Variants in IQSEC1 observed in about 807,000 individuals in gnomAD.
IQSEC1 encodes IQ motif and SEC7 domain-containing protein 1.
IQSEC1 carries 31 observed loss-of-function variants against 91.0 expected under a neutral mutation model. That is an observed-to-expected ratio of 0.34 (90% CI 0.26 to 0.46). IQSEC1 has a LOEUF of 0.46. Among genes scored for constraint, IQSEC1 ranks in the 20% least tolerant of loss-of-function variants. The pLI, the probability that IQSEC1 is intolerant of heterozygous loss-of-function variation, is 1.00. For synonymous variants in IQSEC1, 699 were observed against 662.6 expected (o/e 1.05, Z -0.84); for missense variants, 1,388 against 1,575.6 (o/e 0.88, Z 2.02).
At chr3:13,283,085 G>C (rs1207601895) in exon 1 of IQSEC1, among the ~76,000 whole-genome samples, 2 of 144,608 alleles carry the variant, frequency 1.4e-5, no homozygotes, top group South Asian at 4.2e-4. Flanking sequence ...GGCGCGGCGC[G>C]GGGCTGCCGC....
At chr3:13,110,854 G>A (rs1159381741) in intron 2 of IQSEC1, among the ~76,000 whole-genome samples, 3 of 152,150 alleles carry the variant, frequency 2.0e-5, no homozygotes, top group South Asian at 2.1e-4. Flanking sequence ...TTAAAGGGCC[G>A]AAGTAAATGA....
At chr3:13,092,442 C>G (rs989962593) in intron 2 of IQSEC1, among the ~76,000 whole-genome samples, 7 of 152,096 alleles carry the variant, frequency 4.6e-5, no homozygotes, top group Non-Finnish European at 8.8e-5. Flanking sequence ...CCTTCCCAGG[C>G]CTGCCCAGGC....
chr3:12,931,793 C>T (rs985832199), intron 3 of IQSEC1, among the ~76,000 whole-genome samples: 12 of 152,162 alleles, frequency 7.9e-5, no homozygotes, highest in African/African-American at 2.9e-4. Context: ...GGCTGGGCGC[C>T]GAGTGTAGGG....
intron 1 of IQSEC1, among the ~76,000 whole-genome samples, chr3:13,209,863 A>G (rs940983872): frequency 2.0e-5 from 3 of 152,202 alleles, no homozygotes; most frequent in African/African-American, 7.2e-5. Flanking sequence ...CCCAACACCC[A>G]GCACTGGGGC....
chr3:13,051,239 T>C (rs1018341672), intron 1 of IQSEC1, among the ~76,000 whole-genome samples: 36 of 152,158 alleles, frequency 2.4e-4, no homozygotes, highest in Admixed American at 1.3e-4. Context: ...ATTCCAGCCA[T>C]GCTGAGTGAG....
At chr3:12,947,997 G>A (rs1559660954) in intron 1 of IQSEC1, among the ~76,000 whole-genome samples, 2 of 152,226 alleles carry the variant, frequency 1.3e-5, no homozygotes, top group Non-Finnish European at 1.5e-5. Context: ...CTGCTGCCCC[G>A]CCCCACCCAG....
chr3:13,122,496 G>C (rs553717662), intron 2 of IQSEC1, among the ~76,000 whole-genome samples: 1 of 152,206 alleles, frequency 6.6e-6, no homozygotes, highest in African/African-American at 2.4e-5. Context: ...GAGGGGTATG[G>C]GATGAAGAAG....
intron 1 of IQSEC1, among the ~76,000 whole-genome samples, chr3:13,052,716 CCTTT>C (rs1704734615): frequency 6.6e-6 from 1 of 152,142 alleles, no homozygotes; most frequent in Non-Finnish European, 1.5e-5. Flanking sequence ...TCACGTTGTC[CCTTT>C]CTATGTTAGC....
At chr3:13,166,403 A>G (rs529750069) in intron 1 of IQSEC1, among the ~76,000 whole-genome samples, 17 of 152,322 alleles carry the variant, frequency 1.1e-4, no homozygotes, top group East Asian at 3.9e-4. Flanking sequence ...TGGCTGAGGC[A>G]TAGCAGTGCA....
intron 1 of IQSEC1, among the ~76,000 whole-genome samples, chr3:13,223,359 G>C (rs566356399): frequency 1.3e-5 from 2 of 152,158 alleles, no homozygotes; most frequent in Non-Finnish European, 2.9e-5. Context: ...GGAGGTCCCC[G>C]GGTCTCTGCT....
intron 8 of IQSEC1, 79 bp from the exon 9 acceptor site, chr3:12,913,632 G>C: frequency 1.4e-6 from 2 of 1,460,462 alleles, no homozygotes; most frequent in Non-Finnish European, 1.8e-6. Flanking sequence ...GAGAAGTCTA[G>C]CCCTTCAAGC....
intron 1 of IQSEC1, among the ~76,000 whole-genome samples, chr3:13,022,831 G>A (rs1190131899): frequency 6.6e-6 from 1 of 152,214 alleles, no homozygotes; most frequent in Non-Finnish European, 1.5e-5. Context: ...GGCCCTCCAA[G>A]GGTCTCCAGC....
chr3:13,050,285 G>A (rs939666040), intron 1 of IQSEC1, among the ~76,000 whole-genome samples: 1 of 152,092 alleles, frequency 6.6e-6, no homozygotes, highest in African/African-American at 2.4e-5. Context: ...GCACAGCAGT[G>A]CACAGGCCAG....
intron 5 of IQSEC1, among the ~76,000 whole-genome samples, chr3:12,920,982 C>A (rs970843781): frequency 6.6e-6 from 1 of 152,118 alleles, no homozygotes; most frequent in African/African-American, 2.4e-5. Flanking sequence ...CCCTCCGGGA[C>A]CTTGAGGTGA....
intron 8 of IQSEC1, among the ~76,000 whole-genome samples, chr3:12,914,527 C>T (rs774317330): frequency 2.2e-4 from 34 of 152,064 alleles, no homozygotes; most frequent in African/African-American, 3.6e-4. Context: ...TGGGAGGGTT[C>T]GGGGAGCACT....
chr3:13,153,497 G>A (rs190845163), intron 2 of IQSEC1, among the ~76,000 whole-genome samples: 6 of 152,308 alleles, frequency 3.9e-5, no homozygotes, highest in Admixed American at 3.3e-4. Context: ...CACTCATAGA[G>A]GGCTGCCCTG....
intron 1 of IQSEC1, among the ~76,000 whole-genome samples, chr3:13,188,279 A>T (rs1315145789): frequency 6.6e-6 from 1 of 152,062 alleles, no homozygotes; most frequent in Non-Finnish European, 1.5e-5. Flanking sequence ...GCTCATGCCC[A>T]CCTCAAGGTT....
chr3:12,941,339 GC>G (rs1469402467), intron 2 of IQSEC1, among the ~76,000 whole-genome samples: 1 of 152,054 alleles, frequency 6.6e-6, no homozygotes, highest in Non-Finnish European at 1.5e-5. Flanking sequence ...CAGAAGGAAC[GC>G]CAGACAACCC....
chr3:12,901,138 C>A lies in IQSEC1; in HGVS notation c.3190G>T (p.Gly1064Trp), dbSNP rs1182132740. ...TGGGCCCCGTAGGCTGGGTGGCCCC[C>A]ATGGGGGCCGTGGTGGTACTGGTGT... ...HAHQYHHGPHGGHPAYGAHAH... is the reference protein window; with the variant it reads ...HAHQYHHGPHWGHPAYGAHAH... Residue 1064 changes from glycine (G) to tryptophan (W), a missense_variant, in exon 14 of 14, where the codon GGG (glycine) becomes TGG (tryptophan). Around this residue, in one of 2 missense-constraint regions of IQSEC1, gnomAD observed 329 missense variants for 257.8 expected, o/e 1.28. Transcript: ENST00000613206. The A allele has an allele frequency of 6.5e-7, 1 of 1,543,124 alleles. No homozygotes were observed.
Sources: allele counts gnomAD v4.1 joint callset (sites outside exome capture counted in the v4.1 genomes callset), GRCh38; gene constraint gnomAD v4.1.1; regional missense constraint gnomAD v4.1.1; transcripts MANE v1.5; gene names NCBI Gene and HGNC (gene_info 2026-07-23, HGNC 2026-07-21).